Variants in ROBO2 observed in about 807,000 individuals in gnomAD.
ROBO2 encodes roundabout guidance receptor 2.
Under a neutral mutation model 160.8 loss-of-function variants are expected in ROBO2, and 53 were observed. The observed-to-expected ratio is 0.33, with a 90% confidence interval of 0.26 to 0.41. The LOEUF is 0.41. ROBO2 is among the 10% of genes least tolerant of loss of function. ROBO2 has a pLI of 1.00. For missense variants in ROBO2, 1,577 were observed against 1,722.4 expected (o/e 0.92, Z 1.49); for synonymous variants, 664 against 611.7 (o/e 1.09, Z -1.26).
chr3:76,432,797 A>T (rs1437857714), intron 2 of ROBO2, among the ~76,000 whole-genome samples: 1 of 152,054 alleles, frequency 6.6e-6, no homozygotes, highest in Non-Finnish European at 1.5e-5. Flanking sequence ...AACCGAAAAA[A>T]CAGGGCATTG....
chr3:77,581,440 G>A (rs981713927), intron 16 of ROBO2, among the ~76,000 whole-genome samples: 1 of 152,066 alleles, frequency 6.6e-6, no homozygotes, highest in Non-Finnish European at 1.5e-5. Flanking sequence ...CTTTTATGCG[G>A]AGGTCTATAA....
chr3:76,200,420 C>T (rs1216795752), intron 2 of ROBO2, among the ~76,000 whole-genome samples: 2 of 152,084 alleles, frequency 1.3e-5, no homozygotes, highest in African/African-American at 4.8e-5. Flanking sequence ...AGCTCATGCC[C>T]TGTTTTTGGA....
At chr3:76,454,289 A>G (rs1469145146) in intron 2 of ROBO2, among the ~76,000 whole-genome samples, 1 of 152,232 alleles carries the variant, frequency 6.6e-6, no homozygotes, top group African/African-American at 2.4e-5. Flanking sequence ...TTAGTTTTGC[A>G]AAAGTTATTG....
chr3:77,646,235 T>G, exon 26 of ROBO2: 1 of 444,264 alleles, frequency 2.3e-6, no homozygotes, highest in South Asian at 7.5e-5. Flanking sequence ...GTTCTTCTCT[T>G]AAGTACACCA....
chr3:77,206,385 G>A (rs545467672), intron 2 of ROBO2, among the ~76,000 whole-genome samples: 2 of 151,950 alleles, frequency 1.3e-5, no homozygotes, highest in African/African-American at 4.8e-5. Flanking sequence ...GGCCAGGCTG[G>A]TCTCGAATTC....
chr3:76,374,710 C>A (rs1234480094), intron 2 of ROBO2, among the ~76,000 whole-genome samples: 3 of 151,944 alleles, frequency 2.0e-5, no homozygotes, highest in Non-Finnish European at 4.4e-5. Flanking sequence ...AAAATTTAAG[C>A]AAAAATTCTA....
chr3:76,774,945 C>T (rs767056752), intron 2 of ROBO2, among the ~76,000 whole-genome samples: 22 of 150,398 alleles, frequency 1.5e-4, no homozygotes, highest in Non-Finnish European at 2.5e-4. Flanking sequence ...GAATGTGATT[C>T]ATCTGAAGGA....
At chr3:77,529,303 A>G (rs2091446351) in intron 6 of ROBO2, among the ~76,000 whole-genome samples, 1 of 151,680 alleles carries the variant, frequency 6.6e-6, no homozygotes. Flanking sequence ...TTTTAAAGAT[A>G]TTAAGCATTA....
rs2088184240 is a variant in ROBO2, at chr3:77,237,372, TC to T, written c.388+139033del. Among the ~76,000 whole-genome samples the T allele has an allele frequency of 2.7e-5, 4 of 150,780 alleles. No homozygotes were observed. In the South Asian group the frequency reaches 6.3e-4, roughly 24 times the overall value. ...ACGCCACCATACCTAGCTTTTCTTT[TC>T]TTTTTTTTTCTTTTTCCTGTTTTTG... is the stretch of plus-strand genomic sequence containing the variant. On this transcript the variant is annotated intron_variant, in intron 2 of 25. Transcript: ENST00000461745.
At chr3:76,568,351 G>A (rs1289919632) in intron 2 of ROBO2, among the ~76,000 whole-genome samples, 1 of 152,182 alleles carries the variant, frequency 6.6e-6, no homozygotes, top group East Asian at 1.9e-4. Context: ...AGGCTGGAGT[G>A]CAGTGGTGCG....
intron 2 of ROBO2, among the ~76,000 whole-genome samples, chr3:76,511,901 A>G (rs2081110659): frequency 6.6e-6 from 1 of 152,192 alleles, no homozygotes; most frequent in Non-Finnish European, 1.5e-5. Context: ...CCAGTTGTTC[A>G]TTTATTGCCT....
chr3:76,866,802 AAG>A (rs1354417095), intron 2 of ROBO2, among the ~76,000 whole-genome samples: 1 of 152,182 alleles, frequency 6.6e-6, no homozygotes, highest in Non-Finnish European at 1.5e-5. Flanking sequence ...CAGGTTGAAT[AAG>A]AGAAGAGTAG....
At chr3:76,166,283 T>A (rs891749355) in intron 2 of ROBO2, among the ~76,000 whole-genome samples, 1 of 152,146 alleles carries the variant, frequency 6.6e-6, no homozygotes, top group Non-Finnish European at 1.5e-5. Flanking sequence ...AATTGTGAAT[T>A]TTTTAAAGAG....
chr3:75,998,824 C>T lies in ROBO2; in HGVS notation c.109+61222C>T, dbSNP rs139300524. Among the ~76,000 whole-genome samples the T allele has an allele frequency of 1.2e-3, 177 of 152,264 alleles. 5 individuals are homozygous for T. The East Asian group carries it at 0.028, about 24-fold the overall frequency. On this transcript the variant is annotated intron_variant, in intron 2 of 26. Transcript: ENST00000487694. Reference sequence around the variant, plus strand: ...GGACTGTGATGTCCAATAAGGCAAGCAATGAATTCTCTCTTAGCCTCATCT... The same window carrying T: ...GGACTGTGATGTCCAATAAGGCAAGTAATGAATTCTCTCTTAGCCTCATCT...
chr3:75,965,974 C>T (rs1437590865), intron 2 of ROBO2, among the ~76,000 whole-genome samples: 2 of 151,676 alleles, frequency 1.3e-5, no homozygotes, highest in Non-Finnish European at 1.5e-5. Context: ...TCTTGAAATT[C>T]TGTAAGATAA....
Position 77,205,042 on chromosome 3 carries a change from G to A in ROBO2, c.388+106702G>A, listed in dbSNP as rs571801555. ...GCTCTGGGCTGCAGCCCCGTGGTAG[G>A]TAGTATCTAGGAGTGGATGCCTGGG... On this transcript the variant is annotated intron_variant, in intron 2 of 25. Coordinates refer to ENST00000461745, the Ensembl canonical transcript of ROBO2. Among the ~76,000 whole-genome samples the A allele has an allele frequency of 1.6e-3, 244 of 152,284 alleles. 2 individuals are homozygous for A. Among genetic ancestry groups the A allele is most frequent in the African/African-American group, 5.6e-3 (231 of 41,560 alleles).
At chr3:76,580,887 TTA>T (rs1289330079) in intron 2 of ROBO2, among the ~76,000 whole-genome samples, 3 of 152,186 alleles carry the variant, frequency 2.0e-5, no homozygotes, top group Non-Finnish European at 4.4e-5. Flanking sequence ...TGGGCTAGTT[TTA>T]TATTTCTGGA....
chr3:77,130,293 C>A (rs759159116), intron 2 of ROBO2, among the ~76,000 whole-genome samples: 5 of 152,130 alleles, frequency 3.3e-5, no homozygotes, highest in Non-Finnish European at 7.3e-5. Context: ...AGTTCCTGGG[C>A]CAAATGCATG....
chr3:76,033,058 G>A (rs2066979353), intron 2 of ROBO2, among the ~76,000 whole-genome samples: 2 of 150,772 alleles, frequency 1.3e-5, no homozygotes, highest in South Asian at 4.2e-4. Context: ...TTAAAAGTAA[G>A]AATAAATAGT....
Sources: gnomAD v4.1 joint callset for allele counts (sites outside exome capture counted in the v4.1 genomes callset) on GRCh38, gnomAD v4.1.1 for gene constraint, MANE v1.5 for transcripts, NCBI Gene and HGNC (gene_info 2026-07-23, HGNC 2026-07-21) for gene names.